The following ATXN7L1 variants were observed in gnomAD, a reference collection of about 807,000 sequenced individuals.
ATXN7L1 encodes ataxin-7-like protein 1.
ATXN7L1 carries 15 observed loss-of-function variants against 70.8 expected under a neutral mutation model. That is an observed-to-expected ratio of 0.21 (90% CI 0.14 to 0.33). The LOEUF (loss-of-function observed/expected upper bound fraction) is 0.33, where lower values mean the gene tolerates loss of function less well. Ranked by LOEUF, ATXN7L1 falls within the 10% of genes least tolerant of loss-of-function variation. The pLI is 1.00. For missense variants in ATXN7L1, 975 were observed against 1,097.1 expected (o/e 0.89, Z 1.57); for synonymous variants, 440 against 445.1 (o/e 0.99, Z 0.14).
At chr7:105,628,125 G>A (rs1236513076) in intron 7 of ATXN7L1, among the ~76,000 whole-genome samples, 1 of 152,086 alleles carries the variant, frequency 6.6e-6, no homozygotes, top group Non-Finnish European at 1.5e-5. Context: ...TTACAGGTGT[G>A]AGCCACTGTG....
At chr7:105,619,862 C>T (rs1417805972) in intron 9 of ATXN7L1, among the ~76,000 whole-genome samples, 1 of 151,984 alleles carries the variant, frequency 6.6e-6, no homozygotes, top group African/African-American at 2.4e-5. Flanking sequence ...CAGCCAGAAG[C>T]ATGTTCTTAA....
chr7:105,651,708 G>C (rs148920683), intron 4 of ATXN7L1, among the ~76,000 whole-genome samples: 4 of 152,276 alleles, frequency 2.6e-5, no homozygotes, highest in Admixed American at 2.0e-4. Flanking sequence ...AGTATTCTAG[G>C]CACTGCTTAA....
chr7:105,720,113 T>C (rs1795014845), intron 3 of ATXN7L1, among the ~76,000 whole-genome samples: 1 of 152,238 alleles, frequency 6.6e-6, no homozygotes, highest in African/African-American at 2.4e-5. Context: ...ATAGTCCGAA[T>C]ACCATGTAGG....
At chr7:105,860,862 C>T (rs1267338610) in intron 2 of ATXN7L1, among the ~76,000 whole-genome samples, 1 of 152,200 alleles carries the variant, frequency 6.6e-6, no homozygotes, top group East Asian at 1.9e-4. Flanking sequence ...GCTTTTCCTC[C>T]ACCTTGCCTC....
At chr7:105,707,721 A>AC (rs1316694354) in intron 3 of ATXN7L1, among the ~76,000 whole-genome samples, 2 of 152,176 alleles carry the variant, frequency 1.3e-5, no homozygotes, top group Non-Finnish European at 2.9e-5. Context: ...TCCCAAAGTG[A>AC]CCTAAAAGGG....
At chr7:105,692,737 G>A (rs1249013532) in intron 3 of ATXN7L1, among the ~76,000 whole-genome samples, 1 of 151,024 alleles carries the variant, frequency 6.6e-6, no homozygotes, top group African/African-American at 2.4e-5. Context: ...ATGAGCCACC[G>A]CACCCAGCTC....
At chr7:105,611,741 A>T (rs1793171888) in intron 10 of ATXN7L1, among the ~76,000 whole-genome samples, 1 of 152,216 alleles carries the variant, frequency 6.6e-6, no homozygotes, top group African/African-American at 2.4e-5. Flanking sequence ...TATCAACCAG[A>T]TACAATTAAA....
chr7:105,689,921 A>G (rs937827453), intron 3 of ATXN7L1, among the ~76,000 whole-genome samples: 3 of 152,246 alleles, frequency 2.0e-5, no homozygotes. Context: ...AGTGTGAGAA[A>G]GCACAGGACA....
At chr7:105,679,649 A>C (rs1805265325) in intron 3 of ATXN7L1, among the ~76,000 whole-genome samples, 1 of 152,214 alleles carries the variant, frequency 6.6e-6, no homozygotes, top group African/African-American at 2.4e-5. Context: ...GGCCAAGGAC[A>C]GTAGATTTGG....
intron 3 of ATXN7L1, among the ~76,000 whole-genome samples, chr7:105,702,651 T>A (rs1792607118): frequency 6.6e-6 from 1 of 152,158 alleles, no homozygotes; most frequent in Middle Eastern, 3.4e-3. Context: ...TATAAAGTGC[T>A]AGAGTATTAA....
At chr7:105,817,511 T>C (rs1386460710) in intron 2 of ATXN7L1, among the ~76,000 whole-genome samples, 1 of 152,166 alleles carries the variant, frequency 6.6e-6, no homozygotes, top group Non-Finnish European at 1.5e-5. Context: ...TGCCCTCAAA[T>C]GGTTTAGAAA....
At chr7:105,771,581 A>G (rs1038320456) in intron 3 of ATXN7L1, among the ~76,000 whole-genome samples, 1 of 152,190 alleles carries the variant, frequency 6.6e-6, no homozygotes, top group African/African-American at 2.4e-5. Context: ...GAATCAGCCA[A>G]AAGTTCATGC....
intron 3 of ATXN7L1, among the ~76,000 whole-genome samples, chr7:105,708,195 C>T (rs956164004): frequency 5.3e-5 from 8 of 152,116 alleles, no homozygotes; most frequent in Admixed American, 2.0e-4. Context: ...CAGAGGCCTG[C>T]GTACTGTTCC....
intron 3 of ATXN7L1, among the ~76,000 whole-genome samples, chr7:105,692,685 G>A (rs1023249960): frequency 1.3e-5 from 2 of 151,842 alleles, no homozygotes; most frequent in Admixed American, 6.6e-5. Context: ...GACCTCAAGC[G>A]ATCAACCCGT....
intron 2 of ATXN7L1, among the ~76,000 whole-genome samples, chr7:105,794,748 A>T (rs756197147): frequency 6.6e-6 from 1 of 152,164 alleles, no homozygotes; most frequent in Non-Finnish European, 1.5e-5. Flanking sequence ...TGAGGCTATA[A>T]ATTGTCATGG....
rs185844681 is a variant in ATXN7L1 at position 105,620,103 on chromosome 7, T to C, written c.1517+97A>G. On this transcript the variant is annotated intron_variant, in intron 9 of 11. Transcript: ENST00000419735. ...TCCTGACTTCAGAATCATTTTGTTC[T>C]ATGAAAAGTCAGCCACTGACATTTA... 63 of 1,412,922 alleles carry C rather than the reference T, an allele frequency of 4.5e-5. No individual in the cohort carries two copies. In the African/African-American group the frequency reaches 8.7e-4, roughly 20 times the overall value. 87.5% of individuals were successfully genotyped at this position (1,412,922 alleles called of 1,614,324 possible). A position where few individuals can be genotyped will look rare whatever the true frequency, so the allele number is the denominator to read the frequency against.
chr7:105,788,455 G>T, intron 3 of ATXN7L1, 149 bp downstream of exon 3: 1 of 642,254 alleles, frequency 1.6e-6, no homozygotes. Flanking sequence ...AAAACAGCCT[G>T]CGAGCAGAGG....
intron 4 of ATXN7L1, among the ~76,000 whole-genome samples, chr7:105,664,573 G>GTGTGTGTGTGTGTATGTA: frequency 8.9e-6 from 1 of 112,754 alleles, no homozygotes; most frequent in African/African-American, 3.6e-5. Flanking sequence ...ATGTATGTGT[G>GTGTGTGTGTGTGTATGTA]TGTATATATA....
intron 3 of ATXN7L1, among the ~76,000 whole-genome samples, chr7:105,686,212 G>GT (rs1806169471): frequency 6.6e-6 from 1 of 152,094 alleles, no homozygotes; most frequent in Non-Finnish European, 1.5e-5. Flanking sequence ...TGAAAATATC[G>GT]TAAGTCAAAA....
Sources: gnomAD v4.1 joint callset for allele counts (sites outside exome capture counted in the v4.1 genomes callset) on GRCh38, gnomAD v4.1.1 for gene constraint, MANE v1.5 for transcripts, NCBI Gene and HGNC (gene_info 2026-07-23, HGNC 2026-07-21) for gene names.